ATXN1L: variants seen among roughly 807,000 people sequenced by gnomAD.
ATXN1L encodes ataxin-1-like.
Under a neutral mutation model 43.4 loss-of-function variants are expected in ATXN1L, and 8 were observed. The observed-to-expected ratio is 0.18, with a 90% confidence interval of 0.11 to 0.33. The LOEUF is 0.33. Ranked by LOEUF, ATXN1L falls within the 10% of genes least tolerant of loss-of-function variation. The pLI, the probability that ATXN1L is intolerant of heterozygous loss-of-function variation, is 1.00. For synonymous variants in ATXN1L, 379 were observed against 360.6 expected (o/e 1.05, Z -0.58); for missense variants, 856 against 885.4 (o/e 0.97, Z 0.42).
rs2033513309 is a variant in ATXN1L at position 71,852,404 on chromosome 16, G to C, written c.*594G>C. ...CACTCTCATCTGCAGGACTCTGCTT[G>C]ATCCTCTGCTTCATAGCCCTTCCCC... is the stretch of plus-strand genomic sequence containing the variant. On this transcript the variant is annotated 3_prime_UTR_variant, in exon 3 of 3. Coordinates refer to ENST00000427980, the MANE Select transcript of ATXN1L (RefSeq NM_001137675.4). 6.0e-6 allele frequency: 1 copy of C among 167,248 alleles called. No homozygotes were observed. The highest frequency in any genetic ancestry group is 1.5e-5 in the Non-Finnish European group (1 of 68,278). 10.4% of individuals were successfully genotyped at this position (167,248 alleles called of 1,614,324 possible).
chr16:71,850,539 G>T lies in ATXN1L; in HGVS notation c.799G>T (p.Ala267Ser), dbSNP rs1440581178. 1 of 1,551,636 alleles carries T rather than the reference G, an allele frequency of 6.4e-7. No homozygotes were observed. Among genetic ancestry groups the T allele is most frequent in the African/African-American group, 1.4e-5 (1 of 73,050 alleles). Residue 267 changes from alanine (A) to serine (S), a missense_variant, in exon 3 of 3, where the codon GCT becomes TCT. Ala to Ser is a moderately conservative substitution (Grantham distance 99, BLOSUM62 1). Around this residue, in one of 7 missense-constraint regions of ATXN1L, gnomAD observed 490 missense variants for 449.4 expected, o/e 1.09. Coordinates refer to ENST00000427980, the MANE Select transcript of ATXN1L (RefSeq NM_001137675.4). The part of the protein sequence containing the change: ...QESQSALEAA[A>S]ANGGQRPRER... Reference sequence around the variant, plus strand: ...GAGCCAGTCTGCTCTGGAAGCAGCTGCTGCAAATGGAGGACAGAGACCACG... The same window carrying T: ...GAGCCAGTCTGCTCTGGAAGCAGCTTCTGCAAATGGAGGACAGAGACCACG...
At position 71,849,703 on chromosome 16, in the gene ATXN1L, T is replaced by G; in HGVS notation, c.-38T>G. On this transcript the variant is annotated 5_prime_UTR_variant, in exon 3 of 3. Transcript: ENST00000427980. ...CCCTTCTGATGCCCCAGGGAGCAAG[T>G]CGACTCCTTCCAGGCTCCAGGAACA... The G allele has an allele frequency of 4.1e-6, 6 of 1,462,936 alleles. No homozygotes were observed. In the African/African-American group the frequency reaches 7.1e-5, roughly 17 times the overall value. The allele number at this position is 1,462,936 out of a possible 1,614,324, so 90.6% of individuals were successfully genotyped here.
intron 1 of ATXN1L, among the ~76,000 whole-genome samples, chr16:71,847,101 C>T (rs2033450612): frequency 1.3e-5 from 2 of 152,148 alleles, no homozygotes; most frequent in Admixed American, 1.3e-4. Flanking sequence ...CTTTTGTGTA[C>T]ACCTGCACCT....
rs2033491709 is a variant in ATXN1L, at chr16:71,850,708, C to A, written c.968C>A (p.Ala323Glu). The change falls in exon 3 of 3, where the codon GCA (alanine) becomes GAA (glutamate). Residue 323 changes from alanine (A) to glutamate (E), a missense_variant. Ala to Glu is a moderately radical substitution (Grantham distance 107). Coordinates refer to ENST00000427980, the MANE Select transcript of ATXN1L (RefSeq NM_001137675.4). Reference sequence around the variant, plus strand: ...TCTCAGACTCCACGGGTAGAGGTAGCAGCACCAGCACACCGGGGGACCCCG... The same window carrying A: ...TCTCAGACTCCACGGGTAGAGGTAGAAGCACCAGCACACCGGGGGACCCCG... ...SGSQTPRVEV[A>E]APAHRGTPDT... 4 of 1,551,700 alleles carry A rather than the reference C, an allele frequency of 2.6e-6. No homozygotes were observed. Among genetic ancestry groups the A allele is most frequent in the Non-Finnish European group, 3.5e-6 (4 of 1,146,998 alleles).
In ATXN1L at chr16:71,852,196, GATCCACAGCTT is replaced by G. The variant is rs1213048287; in HGVS notation, c.*389_*399del. 1 of 181,966 alleles carries G rather than the reference GATCCACAGCTT, an allele frequency of 5.5e-6. No individual in the cohort carries two copies. Among genetic ancestry groups the G allele is most frequent in the East Asian group, 1.7e-4 (1 of 5,984 alleles). The allele number at this position is 181,966 out of a possible 1,614,324, so 11.3% of individuals were successfully genotyped here. A position where few individuals can be genotyped will look rare whatever the true frequency, so the allele number is the denominator to read the frequency against. ...GAGTAAAGAAAGAGCCAAAAATGAT[GATCCACAGCTT>G]ATAGTAGCAGTTAAACTGTCAGAAG... On this transcript the variant is annotated 3_prime_UTR_variant, in exon 3 of 3. Coordinates refer to ENST00000427980, the MANE Select transcript of ATXN1L (RefSeq NM_001137675.4).
Position 71,851,944 on chromosome 16 carries a change from G to A in ATXN1L, c.*134G>A, listed in dbSNP as rs1334810288. On this transcript the variant is annotated 3_prime_UTR_variant, in exon 3 of 3. Transcript: ENST00000427980. The surrounding 1 kb of genome is among the most constrained non-coding windows in gnomAD (Gnocchi z 4.9). The stretch of plus-strand genomic sequence containing the variant: ...GAGATTTGGGGGAAAGGGGAGGCAT[G>A]AAGTCAGCCTCCCAAGGCAGGATCT... 9.7e-7 allele frequency: 1 copy of A among 1,035,190 alleles called. No individual in the cohort carries two copies. The highest frequency in any genetic ancestry group is 1.6e-5 in the African/African-American group (1 of 61,682). 64.1% of individuals were successfully genotyped at this position (1,035,190 alleles called of 1,614,324 possible). A position where few individuals can be genotyped will look rare whatever the true frequency, so the allele number is the denominator to read the frequency against.
rs1460720673 is a variant in ATXN1L, at chr16:71,850,526, T to C, written c.786T>C (p.Ala262=). Residue 262 remains alanine, a synonymous_variant, in exon 3 of 3, where the codon GCT becomes GCC. Transcript: ENST00000427980. ...PVLTPQESQS[A]LEAAAANGGQ... ...TTACCCCTCAGGAGAGCCAGTCTGC[T>C]CTGGAAGCAGCTGCTGCAAATGGAG... The C allele has an allele frequency of 1.3e-6, 2 of 1,551,684 alleles. No individual in the cohort carries two copies. Among genetic ancestry groups the C allele is most frequent in the African/African-American group, 1.4e-5 (1 of 73,156 alleles).
rs1013996344 is a variant in ATXN1L at position 71,854,680 on chromosome 16, G to A, written c.*2870G>A. On this transcript the variant is annotated 3_prime_UTR_variant, in exon 3 of 3. Coordinates refer to ENST00000427980, the MANE Select transcript of ATXN1L (RefSeq NM_001137675.4). ...CAGTTTTTAGCGAGTATTTTAGTGG[G>A]AAGTTGCCAACTTTTTAAGAATGAG... is the stretch of plus-strand genomic sequence containing the variant. 2 of 167,058 alleles carry A rather than the reference G, an allele frequency of 1.2e-5. No individual in the cohort carries two copies. The highest frequency in any genetic ancestry group is 2.4e-5 in the African/African-American group (1 of 41,418). 10.3% of individuals were successfully genotyped at this position (167,058 alleles called of 1,614,324 possible). A position where few individuals can be genotyped will look rare whatever the true frequency, so the allele number is the denominator to read the frequency against.
At chr16:71,846,525 T>C (rs1192144629) in intron 1 of ATXN1L, among the ~76,000 whole-genome samples, 1 of 152,190 alleles carries the variant, frequency 6.6e-6, no homozygotes, top group Non-Finnish European at 1.5e-5. Context: ...GACAAGCTTC[T>C]CCCTTTCTGT....
intron 1 of ATXN1L, among the ~76,000 whole-genome samples, chr16:71,847,121 TAA>T (rs2033450735): frequency 6.6e-6 from 1 of 152,240 alleles, no homozygotes; most frequent in South Asian, 2.1e-4. Context: ...TTGCCAATCT[TAA>T]GAGAGAAATG....
At position 71,850,413 on chromosome 16, in the gene ATXN1L, G is replaced by C. The variant is rs1487364391; in HGVS notation, c.673G>C (p.Gly225Arg). 1.9e-6 allele frequency: 3 copies of C among 1,551,714 alleles called. No homozygotes were observed. The highest frequency in any genetic ancestry group is 2.6e-6 in the Non-Finnish European group (3 of 1,147,006). The change falls in exon 3 of 3, where the codon GGT becomes CGT. Residue 225 changes from glycine to arginine, a missense_variant. Around this residue, in one of 7 missense-constraint regions of ATXN1L, gnomAD observed 490 missense variants for 449.4 expected, o/e 1.09. Transcript: ENST00000427980. The part of the protein sequence containing the change: ...SSTQPLDLAP[G>R]RMPIYYQMSR... ...TACTCAGCCGCTGGACCTTGCTCCA[G>C]GTCGGATGCCCATTTATTATCAGAT...
Position 71,851,968 on chromosome 16 carries a change from CTGT to C in ATXN1L, c.*163_*165del. The C allele has an allele frequency of 1.2e-6, 1 of 845,304 alleles. No individual in the cohort carries two copies. Among genetic ancestry groups the C allele is most frequent in the Non-Finnish European group, 1.7e-6 (1 of 594,588 alleles). The allele number at this position is 845,304 out of a possible 1,614,324, so 52.4% of individuals were successfully genotyped here. On this transcript the variant is annotated 3_prime_UTR_variant, in exon 3 of 3. Transcript: ENST00000427980. The surrounding 1 kb of genome is among the most constrained non-coding windows in gnomAD (Gnocchi z 4.9). ...TGAAGTCAGCCTCCCAAGGCAGGAT[CTGT>C]TGTTCATTACCCCATGGCATCCTTT...
At position 71,853,309 on chromosome 16, in the gene ATXN1L, G is replaced by C. The variant is rs2142324130; in HGVS notation, c.*1499G>C. 6.0e-6 allele frequency: 1 copy of C among 167,050 alleles called. No individual in the cohort carries two copies. The highest frequency in any genetic ancestry group is 1.9e-4 in the East Asian group (1 of 5,178). The allele number at this position is 167,050 out of a possible 1,614,324, so 10.3% of individuals were successfully genotyped here. A position where few individuals can be genotyped will look rare whatever the true frequency, so the allele number is the denominator to read the frequency against. ...ATTTTCTTCACAACTTTTAGCATCA[G>C]CTCAGACCGTGGGGTTCCACTGGGT... On this transcript the variant is annotated 3_prime_UTR_variant, in exon 3 of 3. Transcript: ENST00000427980.
Position 71,851,865 on chromosome 16 carries a change from G to A in ATXN1L, c.*55G>A, listed in dbSNP as rs955581842. 12 of 1,382,434 alleles carry A rather than the reference G, an allele frequency of 8.7e-6. No individual in the cohort carries two copies. The highest frequency in any genetic ancestry group is 1.9e-4 in the Middle Eastern group (1 of 5,354). The allele number at this position is 1,382,434 out of a possible 1,614,324, so 85.6% of individuals were successfully genotyped here. ...TACCCCAGAGCCTCGCCTCGCCGCCGTGAGCAGGCAGAGGATTTGCACACG... is the reference window on the plus strand; with the variant it reads ...TACCCCAGAGCCTCGCCTCGCCGCCATGAGCAGGCAGAGGATTTGCACACG... On this transcript the variant is annotated 3_prime_UTR_variant, in exon 3 of 3. Coordinates refer to ENST00000427980, the MANE Select transcript of ATXN1L (RefSeq NM_001137675.4). This position sits in a 1 kb window ranked among gnomAD's most constrained non-coding sequence, Gnocchi z 4.9.
intron 2 of ATXN1L, chr16:71,848,374 C>A (rs1471031947): frequency 1.9e-5 from 4 of 207,194 alleles, no homozygotes; most frequent in Non-Finnish European, 4.0e-5. Context: ...ACCAGAATTT[C>A]ATGGAGTGGT....
At position 71,851,389 on chromosome 16, in the gene ATXN1L, A is replaced by T; in HGVS notation, c.1649A>T (p.Gln550Leu). ...PPEHPFFVYG[Q>L]GWSSCSPGRT... ...GAGCACCCCTTCTTTGTATATGGCC[A>T]GGGTTGGTCCTCTTGCAGCCCTGGG... Residue 550 changes from glutamine to leucine, a missense_variant, in exon 3 of 3, where the codon CAG becomes CTG. Coordinates refer to ENST00000427980, the MANE Select transcript of ATXN1L (RefSeq NM_001137675.4). This position sits in a 1 kb window ranked among gnomAD's most constrained non-coding sequence, Gnocchi z 4.9. The T allele has an allele frequency of 1.9e-6, 3 of 1,551,570 alleles. No individual in the cohort carries two copies. Among genetic ancestry groups the T allele is most frequent in the Non-Finnish European group, 2.6e-6 (3 of 1,146,976 alleles).
Position 71,856,220 on chromosome 16 carries a change from T to G in ATXN1L, c.*4410T>G, listed in dbSNP as rs1224226403. On this transcript the variant is annotated 3_prime_UTR_variant, in exon 3 of 3. Coordinates refer to ENST00000427980, the MANE Select transcript of ATXN1L (RefSeq NM_001137675.4). The stretch of plus-strand genomic sequence containing the variant: ...TGCACTTTTCACACTAAAGGTTTCT[T>G]TATTAGTTCTCCAGTTAAACCTAGA... The G allele has an allele frequency of 2.4e-5, 4 of 167,078 alleles. No homozygotes were observed. The highest frequency in any genetic ancestry group is 9.7e-5 in the African/African-American group (4 of 41,442). The allele number at this position is 167,078 out of a possible 1,614,324, so 10.3% of individuals were successfully genotyped here.
Position 71,857,148 on chromosome 16 carries a change from T to A in ATXN1L, c.*5338T>A. 1 of 167,142 alleles carries A rather than the reference T, an allele frequency of 6.0e-6. No individual in the cohort carries two copies. 10.4% of individuals were successfully genotyped at this position (167,142 alleles called of 1,614,324 possible). On this transcript the variant is annotated 3_prime_UTR_variant, in exon 3 of 3. Coordinates refer to ENST00000427980, the MANE Select transcript of ATXN1L (RefSeq NM_001137675.4). ...AATTTGTACTGTATATTTGTACTTT[T>A]GTGAGATCCTTTTTGCTGTTTTACC...
chr16:71,847,044 G>A (rs986669230), intron 1 of ATXN1L, among the ~76,000 whole-genome samples: 1 of 152,170 alleles, frequency 6.6e-6, no homozygotes, highest in African/African-American at 2.4e-5. Context: ...ATATGTGTTT[G>A]TGGAATTAGG....
Sources: allele counts gnomAD v4.1 joint callset (sites outside exome capture counted in the v4.1 genomes callset), GRCh38; gene constraint gnomAD v4.1.1; regional missense constraint gnomAD v4.1.1; non-coding constraint Gnocchi (gnomAD v3.1); transcripts MANE v1.5; gene names NCBI Gene and HGNC (gene_info 2026-07-23, HGNC 2026-07-21).